Variants in SLC38A11 observed in about 807,000 individuals in gnomAD.
SLC38A11 encodes the protein putative sodium-coupled neutral amino acid transporter 11.
SLC38A11 carries 51 observed loss-of-function variants against 49.4 expected under a neutral mutation model. That is an observed-to-expected ratio of 1.03 (90% confidence interval 0.83 to 1.30). The LOEUF is 1.30. Ranked by LOEUF, SLC38A11 falls within the 50% of genes most tolerant of loss-of-function variation. The pLI is 0.00. For synonymous variants in SLC38A11, 203 were observed against 192.9 expected (o/e 1.05, Z -0.43); for missense variants, 574 against 556.2 (o/e 1.03, Z -0.32).
At position 164,946,049 on chromosome 2, in the gene SLC38A11, ATAT is replaced by A. The variant is rs548119349; in HGVS notation, c.230-325_230-323del. ...TTTCCTGATGTAACCAATGCAGCAAATATTATCAGGTTGAGGCTCAATTGTCAA... is the reference window on the plus strand; with the variant it reads ...TTTCCTGATGTAACCAATGCAGCAAATATCAGGTTGAGGCTCAATTGTCAA... On this transcript the variant is annotated intron_variant, in intron 3 of 11. Transcript: ENST00000685975. 6.6e-4 allele frequency among the ~76,000 whole-genome samples: 101 copies of A among 152,290 alleles called. 1 individual carries two copies. Among genetic ancestry groups the A allele is most frequent in the Non-Finnish European group, 1.3e-3 (86 of 68,016 alleles).
At chr2:164,950,195 C>T (rs1203082244) in intron 3 of SLC38A11, 6 of 152,164 alleles carry the variant, frequency 3.9e-5, no homozygotes, top group Admixed American at 1.3e-4. Context: ...GTTAAAACGG[C>T]TTAGCCAAGG....
At chr2:164,910,262 C>T (rs141402905) in intron 10 of SLC38A11, among the ~76,000 whole-genome samples, 80 of 152,204 alleles carry the variant, frequency 5.3e-4, no homozygotes, top group African/African-American at 1.9e-3. Flanking sequence ...GTACTAAACA[C>T]AGAAGTTGTG....
chr2:164,918,092 AAAG>A (rs1230209366), intron 7 of SLC38A11, among the ~76,000 whole-genome samples: 1 of 152,020 alleles, frequency 6.6e-6, no homozygotes, highest in Non-Finnish European at 1.5e-5. Flanking sequence ...GAAAAAAAAA[AAAG>A]AGAGAGAAGA....
intron 11 of SLC38A11, among the ~76,000 whole-genome samples, chr2:164,902,974 C>T (rs972865375): frequency 3.3e-5 from 5 of 151,998 alleles, no homozygotes; most frequent in Non-Finnish European, 7.4e-5. Context: ...TACAAAGGTA[C>T]ACAAAAAATA....
In SLC38A11 at chr2:164,937,447, A is replaced by G. The variant is rs536603911; in HGVS notation, c.538-18T>C. On this transcript the variant is annotated intron_variant, in intron 6 of 11. Coordinates refer to ENST00000685975, the MANE Select transcript of SLC38A11 (RefSeq NM_001351537.2). ...AGGGAGACCTGTAAAAGAAAATACAAGGATATTGCCGGTTTAGGACAGAAA... is the reference window on the plus strand; with the variant it reads ...AGGGAGACCTGTAAAAGAAAATACAGGGATATTGCCGGTTTAGGACAGAAA... The G allele has an allele frequency of 1.4e-6, 2 of 1,466,658 alleles. No homozygotes were observed. The highest frequency in any genetic ancestry group is 1.4e-5 in the African/African-American group (1 of 71,956). 90.9% of individuals were successfully genotyped at this position (1,466,658 alleles called of 1,614,324 possible).
At position 164,945,609 on chromosome 2, in the gene SLC38A11, A is replaced by T; in HGVS notation, c.348T>A (p.Phe116Leu). 6.3e-7 allele frequency: 1 copy of T among 1,596,718 alleles called. No individual in the cohort carries two copies. Among genetic ancestry groups the T allele is most frequent in the Admixed American group, 1.9e-5 (1 of 53,842 alleles). The stretch of plus-strand genomic sequence containing the variant: ...TCAACTTACCTATAAAAGGATACAA[A>T]AACTGAAGAACAGAGAGGAGCAGAT... ...PGYLLLSVLQ[F>L]LYPFIAMISY... is the part of the protein sequence containing the mutation. The change falls in exon 4 of 12, where the codon TTT becomes TTA. Residue 116 changes from phenylalanine (F) to leucine (L), a missense_variant. Phe to Leu is a conservative substitution (Grantham distance 22). Transcript: ENST00000685975.
intron 7 of SLC38A11, among the ~76,000 whole-genome samples, chr2:164,927,463 A>G (rs953899003): frequency 1.3e-5 from 2 of 152,160 alleles, no homozygotes; most frequent in Non-Finnish European, 2.9e-5. Context: ...AGCAATGTAA[A>G]AAAATGGTTT....
At chr2:164,900,790 A>G (rs1684603050) in intron 11 of SLC38A11, among the ~76,000 whole-genome samples, 1 of 151,966 alleles carries the variant, frequency 6.6e-6, no homozygotes, top group Non-Finnish European at 1.5e-5. Flanking sequence ...CCCACTGCAG[A>G]GGCCTTTTAG....
Position 164,898,304 on chromosome 2 carries a change from A to T in SLC38A11, c.*133T>A. 3.1e-6 allele frequency: 2 copies of T among 649,972 alleles called. No individual in the cohort carries two copies. 40.3% of individuals were successfully genotyped at this position (649,972 alleles called of 1,614,324 possible). A position where few individuals can be genotyped will look rare whatever the true frequency, so the allele number is the denominator to read the frequency against. On this transcript the variant is annotated 3_prime_UTR_variant, in exon 12 of 12. Coordinates refer to ENST00000685975, the MANE Select transcript of SLC38A11 (RefSeq NM_001351537.2). ...TTCTTTTCTTTATCTTTTATATTGC[A>T]CTACTCATAAAAGCCAAGTCTTGAT...
At chr2:164,935,003 T>G (rs1687261056) in intron 7 of SLC38A11, among the ~76,000 whole-genome samples, 1 of 152,108 alleles carries the variant, frequency 6.6e-6, no homozygotes, top group Non-Finnish European at 1.5e-5. Flanking sequence ...CCTCTATGTA[T>G]CTGGAAAAAT....
Position 164,894,522 on chromosome 2 carries a change from G to A in SLC38A11, c.*3915C>T, listed in dbSNP as rs985953526. Among the ~76,000 whole-genome samples, 3 of 152,072 alleles carry A rather than the reference G, an allele frequency of 2.0e-5. No homozygotes were observed. Among genetic ancestry groups the A allele is most frequent in the East Asian group, 1.9e-4 (1 of 5,188 alleles). The stretch of plus-strand genomic sequence containing the variant: ...TTCCAAGTAAGCCATTCTGCTGAGA[G>A]TTTAGTCCTTGGAAAACTTGGTGTT... On this transcript the variant is annotated 3_prime_UTR_variant, in exon 12 of 12. Coordinates refer to ENST00000685975, the MANE Select transcript of SLC38A11 (RefSeq NM_001351537.2).
chr2:164,898,170 G>A lies in SLC38A11; in HGVS notation c.*267C>T. The A allele has an allele frequency of 4.0e-6, 1 of 249,866 alleles. No homozygotes were observed. The highest frequency in any genetic ancestry group is 8.9e-5 in the South Asian group (1 of 11,222). 15.5% of individuals were successfully genotyped at this position (249,866 alleles called of 1,614,324 possible). ...CATATTAAATAAAAGGGGGATGGCA[G>A]AAAATGCTAAAGGCTTAACTCTCCC... is the stretch of plus-strand genomic sequence containing the variant. On this transcript the variant is annotated 3_prime_UTR_variant, in exon 12 of 12. Transcript: ENST00000685975.
intron 5 of SLC38A11, among the ~76,000 whole-genome samples, chr2:164,942,964 T>C (rs1434626193): frequency 6.6e-6 from 1 of 152,226 alleles, no homozygotes; most frequent in South Asian, 2.1e-4. Flanking sequence ...TGTGATTTGA[T>C]AGCTATGTCT....
chr2:164,953,736 A>C (rs567273583), intron 2 of SLC38A11, among the ~76,000 whole-genome samples: 1 of 152,318 alleles, frequency 6.6e-6, no homozygotes, highest in East Asian at 1.9e-4. Flanking sequence ...AAAGTAACTC[A>C]ATCCAGATAA....
chr2:164,916,123 A>G lies in SLC38A11; in HGVS notation c.618-150T>C. ...TCCCATTAATCTTGTGTAATCATGA[A>G]TAAATTTCCCAGGAGCATGAGTGTT... On this transcript the variant is annotated intron_variant, in intron 7 of 11. Coordinates refer to ENST00000685975, the MANE Select transcript of SLC38A11 (RefSeq NM_001351537.2). 5 of 532,384 alleles carry G rather than the reference A, an allele frequency of 9.4e-6. No individual in the cohort carries two copies. The South Asian group carries it at 1.7e-4, about 18-fold the overall frequency. 33.0% of individuals were successfully genotyped at this position (532,384 alleles called of 1,614,324 possible). A position where few individuals can be genotyped will look rare whatever the true frequency, so the allele number is the denominator to read the frequency against.
rs1471674405 is a variant in SLC38A11, at chr2:164,915,965, G to GT, written c.625dup (p.Thr209AsnfsTer28). The GT allele has an allele frequency of 1.3e-6, 2 of 1,589,508 alleles. No individual in the cohort carries two copies. The highest frequency in any genetic ancestry group is 1.7e-5 in the Admixed American group (1 of 59,730). On this transcript the variant is annotated frameshift_variant, in exon 8 of 12. Transcript: ENST00000685975. LOFTEE classifies it high-confidence loss of function. ...CTTTGCAAATACCCAAGCGTCTTCTGTTTTTGGTCTAGAAGAAAAATCAGT... is the reference window on the plus strand; with the variant it reads ...CTTTGCAAATACCCAAGCGTCTTCTGTTTTTTGGTCTAGAAGAAAAATCAGT...
At chr2:164,947,117 C>CTTTTTTTTTTTTTTTTTTTTCTTTTTTT (rs1688169444) in intron 3 of SLC38A11, among the ~76,000 whole-genome samples, 2 of 72,902 alleles carry the variant, frequency 2.7e-5, no homozygotes, top group African/African-American at 1.5e-4. Flanking sequence ...TTTTTTATCT[C>CTTTTTTTTTTTTTTTTTTTTCTTTTTTT]TTTTTTTTTT....
At chr2:164,909,962 C>T (rs1230237350) in intron 10 of SLC38A11, among the ~76,000 whole-genome samples, 1 of 152,018 alleles carries the variant, frequency 6.6e-6, no homozygotes, top group Non-Finnish European at 1.5e-5. Context: ...CTTACAGATG[C>T]CTCTATGATA....
rs894066140 is a variant in SLC38A11 at position 164,946,586 on chromosome 2, T to A, written c.230-859A>T. On this transcript the variant is annotated intron_variant, in intron 3 of 11. Coordinates refer to ENST00000685975, the MANE Select transcript of SLC38A11 (RefSeq NM_001351537.2). ...TCTCAAAAAAAAAAAAAAAAAAAAA[T>A]TTGCATTTTAAGAAACTTCAATTGA... Among the ~76,000 whole-genome samples the A allele has an allele frequency of 9.3e-4, 132 of 142,600 alleles. 1 individual carries two copies. The highest frequency in any genetic ancestry group is 3.1e-3 in the African/African-American group (120 of 38,130). 93.6% of individuals were successfully genotyped at this position (142,600 alleles called of 152,430 possible).
Sources: allele counts gnomAD v4.1 joint callset (sites outside exome capture counted in the v4.1 genomes callset), GRCh38; gene constraint gnomAD v4.1.1; transcripts MANE v1.5; gene names NCBI Gene and HGNC (gene_info 2026-07-23, HGNC 2026-07-21).